Variants in ILDR1 observed in about 807,000 individuals in gnomAD.
ILDR1 encodes immunoglobulin like domain containing receptor 1, also known as immunoglobulin-like domain-containing receptor 1.
A neutral mutation model predicts 62.4 loss-of-function variants in ILDR1; 56 were observed. That is an observed-to-expected ratio of 0.90 (90% CI 0.72 to 1.12). The LOEUF is 1.12. Ranked by LOEUF, ILDR1 falls within the 50% of genes most tolerant of loss-of-function variation. The probability of loss-of-function intolerance (pLI) is 0.00; values close to 1 mark genes in which losing one functional copy is unlikely to be tolerated. For missense variants in ILDR1, 736 were observed against 710.6 expected, an observed-to-expected ratio of 1.04 and a Z score of -0.41; for synonymous variants, 284 against 277.8, an observed-to-expected ratio of 1.02 and a Z score of -0.22.
At chr3:122,059,129 C>A in the ILDR1 span, among the ~76,000 whole-genome samples, 1 of 152,012 alleles carries the variant, frequency 6.6e-6, no homozygotes, top group South Asian at 2.1e-4. Flanking sequence ...GATGTCCAAG[C>A]AGACAAGTAG....
chr3:121,992,841 T>C (rs1274253640), intron 7 of ILDR1, among the ~76,000 whole-genome samples: 1 of 152,238 alleles, frequency 6.6e-6, no homozygotes, highest in African/African-American at 2.4e-5. Flanking sequence ...TGCAAGGTGC[T>C]TAATCATGCT....
At chr3:122,048,679 A>G in the ILDR1 span, among the ~76,000 whole-genome samples, 8 of 152,078 alleles carry the variant, frequency 5.3e-5, no homozygotes, top group Non-Finnish European at 1.0e-4. Flanking sequence ...GAATGTGTCC[A>G]TTTCTTTTAG....
intron 5 of ILDR1, among the ~76,000 whole-genome samples, chr3:121,999,994 C>T (rs1188121473): frequency 5.3e-5 from 8 of 151,996 alleles, no homozygotes; most frequent in Admixed American, 6.6e-5. Context: ...TTCATTGCTG[C>T]CTCCCACTTC....
chr3:121,995,914 T>A (rs948212360), intron 5 of ILDR1, among the ~76,000 whole-genome samples: 3 of 152,132 alleles, frequency 2.0e-5, no homozygotes, highest in Middle Eastern at 3.2e-3. Flanking sequence ...GGTGTGAACC[T>A]GTGTGACGCT....
intron 1 of ILDR1, among the ~76,000 whole-genome samples, chr3:122,015,917 T>C (rs375332731): frequency 1.3e-5 from 2 of 152,194 alleles, no homozygotes; most frequent in South Asian, 2.1e-4. Context: ...CATGCTCTGG[T>C]TCCCCCTGCT....
rs185522579 is a variant in ILDR1 at position 121,988,273 on chromosome 3, G to T, written c.*94C>A. 113 of 1,006,056 alleles carry T rather than the reference G, an allele frequency of 1.1e-4. No individual in the cohort carries two copies. The African/African-American group carries it at 1.4e-3, about 12-fold the overall frequency. 62.3% of individuals were successfully genotyped at this position (1,006,056 alleles called of 1,614,324 possible). On this transcript the variant is annotated 3_prime_UTR_variant, in exon 8 of 8. Coordinates refer to ENST00000344209, the MANE Select transcript of ILDR1 (RefSeq NM_001199799.2). Reference sequence around the variant, plus strand: ...TCTAAGCCAAAAACTGTTAGACTCAGACTTGCAGTTCCCAAGTCAGCTGGA... The same window carrying T: ...TCTAAGCCAAAAACTGTTAGACTCATACTTGCAGTTCCCAAGTCAGCTGGA...
At chr3:122,025,746 G>A (rs1290177253), upstream of ILDR1, among the ~76,000 whole-genome samples, 2 of 152,096 alleles carry the variant, frequency 1.3e-5, no homozygotes, top group Non-Finnish European at 2.9e-5. Context: ...TAGACATACA[G>A]GGAAAAGAAT....
At chr3:121,997,056 A>G (rs1306942278) in intron 5 of ILDR1, among the ~76,000 whole-genome samples, 1 of 151,964 alleles carries the variant, frequency 6.6e-6, no homozygotes, top group African/African-American at 2.4e-5. Context: ...GCCCACCACC[A>G]TGCTCAGTTA....
chr3:122,048,927 T>C, the ILDR1 span, among the ~76,000 whole-genome samples: 5 of 152,256 alleles, frequency 3.3e-5, no homozygotes, highest in African/African-American at 1.2e-4. Context: ...TAAGCCACCA[T>C]TACGCTTTAA....
chr3:122,059,279 A>G, the ILDR1 span, among the ~76,000 whole-genome samples: 3 of 152,206 alleles, frequency 2.0e-5, no homozygotes, highest in Non-Finnish European at 2.9e-5. Context: ...GAGGAAGCCA[A>G]GGACAGAACC....
chr3:122,037,065 T>C, the ILDR1 span, among the ~76,000 whole-genome samples: 1 of 152,168 alleles, frequency 6.6e-6, no homozygotes, highest in Non-Finnish European at 1.5e-5. Context: ...TTTCAGAGGA[T>C]GTATGGAAAT....
the ILDR1 span, among the ~76,000 whole-genome samples, chr3:122,034,303 T>C: frequency 3.3e-5 from 5 of 152,220 alleles, no homozygotes; most frequent in African/African-American, 9.7e-5. Context: ...TAGATATTAG[T>C]TCTGATTTCA....
intron 2 of ILDR1, 121 bp downstream of exon 2, chr3:122,006,870 A>C (rs1576727369): frequency 9.5e-7 from 1 of 1,051,950 alleles, no homozygotes; most frequent in South Asian, 1.5e-5. Flanking sequence ...ACATTAGGTG[A>C]TCTTTGTGTC....
At chr3:122,044,748 G>T in the ILDR1 span, among the ~76,000 whole-genome samples, 1 of 151,988 alleles carries the variant, frequency 6.6e-6, no homozygotes, top group Admixed American at 6.6e-5. Context: ...GTATTTCTGT[G>T]GGATTGGTGG....
intron 1 of ILDR1, among the ~76,000 whole-genome samples, chr3:122,007,829 A>G (rs1165293791): frequency 6.6e-6 from 1 of 152,156 alleles, no homozygotes; most frequent in Non-Finnish European, 1.5e-5. Context: ...TACCCCATAG[A>G]CAGGGTTCTG....
At chr3:122,021,326 TACACACTTCTGTCAGATTTCCAGGAC>T (rs962325933) in intron 1 of ILDR1, among the ~76,000 whole-genome samples, 51 of 152,318 alleles carry the variant, frequency 3.3e-4, no homozygotes, top group African/African-American at 1.2e-3. Flanking sequence ...CTCGTGGAGA[TACACACTTCTGTCAGATTTCCAGGAC>T]ACACACAGAG....
the ILDR1 span, among the ~76,000 whole-genome samples, chr3:122,041,159 A>C: frequency 2.5e-3 from 382 of 152,332 alleles, 2 homozygotes; most frequent in African/African-American, 8.7e-3. Flanking sequence ...TGTGCTTTGA[A>C]TGTATCCCCC....
intron 1 of ILDR1, among the ~76,000 whole-genome samples, chr3:122,009,301 C>T (rs2071667072): frequency 7.4e-6 from 1 of 135,816 alleles, no homozygotes. Context: ...ACTCTGAGAA[C>T]CACTGGTGTA....
intron 1 of ILDR1, among the ~76,000 whole-genome samples, chr3:122,009,324 A>AAC (rs60284951): frequency 0.16 from 21,524 of 137,752 alleles, 1,673 homozygotes; most frequent in Non-Finnish European, 0.19. Flanking sequence ...CTCAATTTAA[A>AAC]ACACACACAC....
Sources: gnomAD v4.1 joint callset for allele counts (sites outside exome capture counted in the v4.1 genomes callset) on GRCh38, gnomAD v4.1.1 for gene constraint, MANE v1.5 for transcripts, NCBI Gene and HGNC (gene_info 2026-07-23, HGNC 2026-07-21) for gene names.